Variants in LRP1B observed in about 807,000 individuals in gnomAD.
LRP1B encodes the protein low-density lipoprotein receptor-related protein 1B.
A neutral mutation model predicts 556.6 loss-of-function variants in LRP1B; 217 were observed. The ratio of observed to expected loss-of-function variants is 0.39; its 90% confidence interval spans 0.35 to 0.44. The LOEUF (loss-of-function observed/expected upper bound fraction) is 0.44, where lower values mean the gene tolerates loss of function less well. Ranked by LOEUF, LRP1B falls within the 20% of genes least tolerant of loss-of-function variation. The probability of loss-of-function intolerance (pLI) is 1.00; values close to 1 mark genes in which losing one functional copy is unlikely to be tolerated. For missense variants in LRP1B, 5,053 were observed against 5,620.8 expected (o/e 0.90, Z 3.23); for synonymous variants, 2,047 against 1,865.8 (o/e 1.10, Z -2.50).
chr2:140,314,856 T>C, intron 83 of LRP1B, 79 bp downstream of exon 83: 2 of 1,009,620 alleles, frequency 2.0e-6, no homozygotes, highest in East Asian at 5.1e-5. Flanking sequence ...GGAAGTATAT[T>C]TGTAACATTA....
chr2:141,963,690 G>A (rs1701473002), intron 1 of LRP1B, among the ~76,000 whole-genome samples: 1 of 148,922 alleles, frequency 6.7e-6, no homozygotes, highest in Non-Finnish European at 1.5e-5. Context: ...GCACAAGACA[G>A]GGATGCCCTC....
chr2:140,585,931 T>C (rs1574108904), intron 43 of LRP1B, among the ~76,000 whole-genome samples: 5 of 152,192 alleles, frequency 3.3e-5, no homozygotes, highest in African/African-American at 1.2e-4. Flanking sequence ...TAATAAGTCT[T>C]ATTCCTGTTT....
At chr2:141,784,066 C>T (rs549340018) in intron 2 of LRP1B, among the ~76,000 whole-genome samples, 4 of 151,926 alleles carry the variant, frequency 2.6e-5, no homozygotes, top group Admixed American at 1.3e-4. Context: ...TTTAAGTGAT[C>T]GCATTTGTTG....
intron 1 of LRP1B, among the ~76,000 whole-genome samples, chr2:142,046,885 T>C (rs1447684757): frequency 6.6e-6 from 1 of 152,000 alleles, no homozygotes; most frequent in East Asian, 1.9e-4. Context: ...AAATGTCCAT[T>C]TATTTCTAGG....
At chr2:141,935,812 A>G (rs953493467) in intron 1 of LRP1B, among the ~76,000 whole-genome samples, 1 of 152,220 alleles carries the variant, frequency 6.6e-6, no homozygotes, top group African/African-American at 2.4e-5. Context: ...ATAAACTTTA[A>G]ATCCAAAAAG....
intron 2 of LRP1B, among the ~76,000 whole-genome samples, chr2:141,679,452 A>G (rs1691025510): frequency 6.6e-6 from 1 of 152,200 alleles, no homozygotes; most frequent in Admixed American, 6.6e-5. Flanking sequence ...TCTGATTATA[A>G]CGAGTATTAT....
At chr2:141,886,254 T>C (rs1326358414) in intron 1 of LRP1B, among the ~76,000 whole-genome samples, 1 of 152,148 alleles carries the variant, frequency 6.6e-6, no homozygotes, top group Non-Finnish European at 1.5e-5. Context: ...TTTTCAGTTG[T>C]TAGTATTTTT....
intron 2 of LRP1B, among the ~76,000 whole-genome samples, chr2:141,571,703 C>A (rs1025910411): frequency 3.3e-5 from 5 of 151,964 alleles, no homozygotes; most frequent in Admixed American, 3.3e-4. Context: ...AGAGGAATTG[C>A]CACTAGAACA....
At chr2:141,734,163 A>G (rs1347249548) in intron 2 of LRP1B, among the ~76,000 whole-genome samples, 1 of 152,150 alleles carries the variant, frequency 6.6e-6, no homozygotes, top group Non-Finnish European at 1.5e-5. Flanking sequence ...AATCCATTGT[A>G]ATTAATTGAC....
intron 11 of LRP1B, among the ~76,000 whole-genome samples, chr2:141,021,159 G>T (rs1284531776): frequency 6.6e-6 from 1 of 151,926 alleles, no homozygotes; most frequent in Non-Finnish European, 1.5e-5. Flanking sequence ...TATTAGAGAG[G>T]GAGCTCTGTA....
At chr2:141,349,977 G>C (rs1384280119) in intron 3 of LRP1B, among the ~76,000 whole-genome samples, 1 of 152,058 alleles carries the variant, frequency 6.6e-6, no homozygotes, top group Non-Finnish European at 1.5e-5. Context: ...CGTGGCTGGG[G>C]AGGCCACACA....
intron 32 of LRP1B, among the ~76,000 whole-genome samples, chr2:140,807,979 C>T (rs1479779891): frequency 6.6e-6 from 1 of 152,146 alleles, no homozygotes; most frequent in Non-Finnish European, 1.5e-5. Context: ...GTAATCCCAG[C>T]TACTGGGGAG....
intron 7 of LRP1B, among the ~76,000 whole-genome samples, chr2:141,132,135 A>C (rs1036178141): frequency 6.6e-6 from 1 of 151,972 alleles, no homozygotes. Context: ...ATAATAATAC[A>C]GTTTCTATGG....
At chr2:140,365,322 G>A (rs1427415344) in intron 71 of LRP1B, among the ~76,000 whole-genome samples, 1 of 151,302 alleles carries the variant, frequency 6.6e-6, no homozygotes, top group African/African-American at 2.4e-5. Flanking sequence ...CATATTTCAG[G>A]GTTCTTTTTA....
At chr2:140,272,258 A>ACACACAC (rs1682494421) in intron 85 of LRP1B, among the ~76,000 whole-genome samples, 3 of 149,320 alleles carry the variant, frequency 2.0e-5, no homozygotes, top group African/African-American at 7.4e-5. Context: ...TGCACACACA[A>ACACACAC]ACACACACAC....
chr2:140,288,414 T>C (rs1573738705), intron 84 of LRP1B, among the ~76,000 whole-genome samples: 1 of 151,844 alleles, frequency 6.6e-6, no homozygotes, highest in African/African-American at 2.4e-5. Context: ...GACTCAGCAT[T>C]TTTTCAAAGC....
intron 3 of LRP1B, among the ~76,000 whole-genome samples, chr2:141,303,957 A>G (rs1455633204): frequency 6.6e-6 from 1 of 152,082 alleles, no homozygotes; most frequent in Non-Finnish European, 1.5e-5. Flanking sequence ...AACCATTCTA[A>G]TTGGGGGAAA....
intron 1 of LRP1B, among the ~76,000 whole-genome samples, chr2:141,909,890 G>A (rs1699863445): frequency 1.3e-5 from 2 of 151,908 alleles, no homozygotes; most frequent in African/African-American, 4.8e-5. Context: ...ATGGATGACT[G>A]ATTTGATTGC....
At position 140,829,509 on chromosome 2, in the gene LRP1B, AAAC is replaced by A. The variant is rs765013761; in HGVS notation, c.5209+10479_5209+10481del. Among the ~76,000 whole-genome samples the A allele has an allele frequency of 1.4e-4, 21 of 152,322 alleles. 1 individual carries two copies. Among genetic ancestry groups the A allele is most frequent in the Middle Eastern group, 3.4e-3 (1 of 294 alleles). ...GAAACAATACAAACACATGACAATT[AAAC>A]AACATGCTCCTGAATAATCAATGGG... On this transcript the variant is annotated intron_variant, in intron 31 of 90. Coordinates refer to ENST00000389484, the MANE Select transcript of LRP1B (RefSeq NM_018557.3).
Sources: allele counts gnomAD v4.1 joint callset (sites outside exome capture counted in the v4.1 genomes callset), GRCh38; gene constraint gnomAD v4.1.1; transcripts MANE v1.5; gene names NCBI Gene and HGNC (gene_info 2026-07-23, HGNC 2026-07-21).